Variants in HM13 observed in about 807,000 individuals in gnomAD.
The protein encoded by HM13 is histocompatibility minor 13, also known as signal peptide peptidase.
HM13 carries 18 observed loss-of-function variants against 50.0 expected under a neutral mutation model. The observed-to-expected ratio is 0.36, with a 90% CI of 0.25 to 0.53. HM13 has a LOEUF of 0.53. HM13 is among the 20% of genes least tolerant of loss of function. HM13 has a pLI of 0.90. For synonymous variants in HM13, 197 were observed against 232.6 expected (o/e 0.85, Z 1.39); for missense variants, 393 against 552.4 (o/e 0.71, Z 2.89).
intron 1 of HM13, among the ~76,000 whole-genome samples, chr20:31,521,405 G>A (rs1455564962): frequency 2.6e-5 from 4 of 152,062 alleles, no homozygotes; most frequent in Admixed American, 6.6e-5. Context: ...CTAGACCTCC[G>A]CTTCCTCATC....
intron 10 of HM13, among the ~76,000 whole-genome samples, chr20:31,565,295 G>C (rs1243292434): frequency 1.3e-5 from 2 of 151,240 alleles, no homozygotes; most frequent in African/African-American, 2.4e-5. Context: ...CATGGCGAAC[G>C]TGGTGAAACC....
In HM13 at chr20:31,559,029, G is replaced by GTGC. The variant is rs762757412; in HGVS notation, c.809-581_809-579dup. Reference sequence around the variant, plus strand: ...CACTTCCTGGGTTCAAGTGATTCTTGTGCCTCAGCCTCCCGAGTAGCTGGG... The same window carrying GTGC: ...CACTTCCTGGGTTCAAGTGATTCTTGTGCTGCCTCAGCCTCCCGAGTAGCTGGG... On this transcript the variant is annotated intron_variant, in intron 8 of 12. Transcript: ENST00000398174. Among the ~76,000 whole-genome samples the GTGC allele has an allele frequency of 5.9e-5, 9 of 151,330 alleles. No individual in the cohort carries two copies. In the South Asian group the frequency reaches 8.4e-4, roughly 14 times the overall value.
intron 2 of HM13, among the ~76,000 whole-genome samples, chr20:31,534,942 C>T (rs770446572): frequency 3.3e-5 from 5 of 151,984 alleles, no homozygotes; most frequent in South Asian, 2.1e-4. Context: ...AAAAATTAGC[C>T]GGGCGTGGTG....
At chr20:31,535,985 C>G (rs185909343) in intron 2 of HM13, among the ~76,000 whole-genome samples, 1 of 152,192 alleles carries the variant, frequency 6.6e-6, no homozygotes, top group South Asian at 2.1e-4. Flanking sequence ...CTAGCTCAGC[C>G]GAAACTCCAG....
At chr20:31,559,760 C>A in intron 9 of HM13, 113 bp downstream of exon 9, 2 of 943,496 alleles carry the variant, frequency 2.1e-6, no homozygotes, top group Non-Finnish European at 1.7e-6. Context: ...CCACAGCAGC[C>A]AGAGCAATTC....
intron 3 of HM13, chr20:31,541,329 A>G (rs1194683313): frequency 6.6e-6 from 1 of 151,982 alleles, no homozygotes; most frequent in Non-Finnish European, 1.5e-5. Context: ...AAAAATACAA[A>G]AATTAGCCGG....
At chr20:31,530,536 G>A (rs893395738) in intron 2 of HM13, among the ~76,000 whole-genome samples, 19 of 151,508 alleles carry the variant, frequency 1.3e-4, no homozygotes, top group Non-Finnish European at 4.4e-5. Context: ...TCAGCCTCCC[G>A]AGTTGCTGGG....
In HM13 at chr20:31,559,834, T is replaced by C. The variant is rs1568798944; in HGVS notation, c.845+187T>C. ...TTTGAAGAGCCTGTGGTCAAAAAAT[T>C]GTTTTAAGAATCATAGGCCAAGAGA... is the stretch of plus-strand genomic sequence containing the variant. On this transcript the variant is annotated intron_variant, in intron 9 of 12. Transcript: ENST00000398174. 2.0e-5 allele frequency among the ~76,000 whole-genome samples: 3 copies of C among 152,226 alleles called. No individual in the cohort carries two copies. The South Asian group carries it at 6.2e-4, about 32-fold the overall frequency.
chr20:31,551,987 G>A (rs150092710), intron 7 of HM13, among the ~76,000 whole-genome samples: 7 of 152,282 alleles, frequency 4.6e-5, no homozygotes, highest in African/African-American at 9.6e-5. Flanking sequence ...ATGGAGGATC[G>A]TGATGGACAG....
chr20:31,536,948 A>G (rs1983149145), intron 2 of HM13, among the ~76,000 whole-genome samples: 1 of 152,222 alleles, frequency 6.6e-6, no homozygotes, highest in Non-Finnish European at 1.5e-5. Context: ...GACCTCTAGG[A>G]GAGCAGCGAC....
At chr20:31,552,227 A>G (rs1331188711) in intron 7 of HM13, among the ~76,000 whole-genome samples, 1 of 152,114 alleles carries the variant, frequency 6.6e-6, no homozygotes, top group Admixed American at 6.5e-5. Context: ...TGAAGGATGA[A>G]TACACATTTC....
chr20:31,521,219 G>C (rs1228759920), intron 1 of HM13, among the ~76,000 whole-genome samples: 1 of 152,154 alleles, frequency 6.6e-6, no homozygotes, highest in Non-Finnish European at 1.5e-5. Context: ...AAGGTTGCAG[G>C]CTTCCCAAGT....
Position 31,566,287 on chromosome 20 carries a change from G to A in HM13, c.1026G>A (p.Glu342=), listed in dbSNP as rs1984904909. Residue 342 remains glutamate (E), a synonymous_variant, in exon 11 of 13, where the codon GAG becomes GAA. Transcript: ENST00000398174. ...CGCTGGCCAAGGGAGAAGTGACAGA[G>A]ATGTTCAGGTAAGGCAGAGTGGGGG... ...LVALAKGEVT[E]MFSYESSAEI... 12 of 1,613,964 alleles carry A rather than the reference G, an allele frequency of 7.4e-6. No individual in the cohort carries two copies. The highest frequency in any genetic ancestry group is 9.3e-6 in the Non-Finnish European group (11 of 1,179,860).
At position 31,531,122 on chromosome 20, in the gene HM13, G is replaced by A. The variant is rs1192281107; in HGVS notation, c.282+3540G>A. On this transcript the variant is annotated intron_variant, in intron 2 of 12. Transcript: ENST00000398174. ...TGCAGTGGCACATTCTCGGCTCACT[G>A]CAACCTCCACCTCCCAGGTTCAAAC... Among the ~76,000 whole-genome samples, 3 of 152,100 alleles carry A rather than the reference G, an allele frequency of 2.0e-5. No individual in the cohort carries two copies. In the East Asian group the frequency reaches 5.8e-4, roughly 29 times the overall value.
Position 31,546,712 on chromosome 20 carries a change from G to A in HM13, c.454+1677G>A, listed in dbSNP as rs575257045. On this transcript the variant is annotated intron_variant, in intron 4 of 12. Coordinates refer to ENST00000398174, the MANE Select transcript of HM13 (RefSeq NM_178581.3). ...GGAGGTTGCAGTGAGCCGAAATCGC[G>A]CCACTGCACTCCAGCCAGGGCGACA... 6.0e-4 allele frequency among the ~76,000 whole-genome samples: 90 copies of A among 149,978 alleles called. No individual in the cohort carries two copies. In the East Asian group the frequency reaches 0.011, roughly 18 times the overall value.
chr20:31,520,789 C>G (rs577377856), intron 1 of HM13, among the ~76,000 whole-genome samples: 8 of 152,254 alleles, frequency 5.3e-5, no homozygotes, highest in Non-Finnish European at 8.8e-5. Context: ...CCTTGGAGAG[C>G]TGAGTGACTG....
At chr20:31,558,501 C>T (rs1357997875) in intron 8 of HM13, among the ~76,000 whole-genome samples, 1 of 152,192 alleles carries the variant, frequency 6.6e-6, no homozygotes, top group Non-Finnish European at 1.5e-5. Flanking sequence ...TCAGTCCCTG[C>T]CACATCTCCT....
intron 4 of HM13, 181 bp from the exon 5 acceptor site, chr20:31,548,848 G>GT: frequency 1.5e-6 from 1 of 648,710 alleles, no homozygotes; most frequent in Admixed American, 2.5e-5. Context: ...AGGGGTTGGG[G>GT]TGGCTCCAGT....
At chr20:31,536,400 G>T (rs1983109046) in intron 2 of HM13, among the ~76,000 whole-genome samples, 6 of 151,676 alleles carry the variant, frequency 4.0e-5, no homozygotes, top group Admixed American at 3.3e-4. Context: ...AACAGATCTA[G>T]AATCCTTCCA....
Sources: gnomAD v4.1 joint callset for allele counts (sites outside exome capture counted in the v4.1 genomes callset) on GRCh38, gnomAD v4.1.1 for gene constraint, MANE v1.5 for transcripts, NCBI Gene and HGNC (gene_info 2026-07-23, HGNC 2026-07-21) for gene names.